Variants in CEP128 observed in about 807,000 individuals in gnomAD.
CEP128 encodes centrosomal protein 128.
A neutral mutation model predicts 156.7 loss-of-function variants in CEP128; 132 were observed. The ratio of observed to expected loss-of-function variants is 0.84; its 90% CI spans 0.73 to 0.97. The LOEUF is 0.97. Among genes scored for constraint, CEP128 ranks in the 50% least tolerant of loss-of-function variants. CEP128 has a pLI of 0.00. For synonymous variants in CEP128, 469 were observed against 448.9 expected (o/e 1.04, Z -0.57); for missense variants, 1,252 against 1,281.9 (o/e 0.98, Z 0.36).
chr14:80,549,945 T>C (rs1890144369), intron 21 of CEP128, among the ~76,000 whole-genome samples: 1 of 152,222 alleles, frequency 6.6e-6, no homozygotes, highest in African/African-American at 2.4e-5. Context: ...ACTTAGTCTG[T>C]AATTTCCATA....
chr14:80,658,392 T>C (rs1895264953), intron 19 of CEP128, among the ~76,000 whole-genome samples: 1 of 152,190 alleles, frequency 6.6e-6, no homozygotes, highest in African/African-American at 2.4e-5. Context: ...AAAAGGCAGC[T>C]GTTCATCCAC....
At chr14:80,584,082 C>A (rs1455084716) in intron 19 of CEP128, among the ~76,000 whole-genome samples, 1 of 151,884 alleles carries the variant, frequency 6.6e-6, no homozygotes, top group Non-Finnish European at 1.5e-5. Flanking sequence ...ATAAAATACA[C>A]ACTTGTCTGT....
chr14:80,869,517 C>A (rs1887926450), intron 8 of CEP128, among the ~76,000 whole-genome samples: 1 of 151,740 alleles, frequency 6.6e-6, no homozygotes, highest in South Asian at 2.1e-4. Flanking sequence ...AAATAAATAA[C>A]CTAACTATAC....
At position 80,767,083 on chromosome 14, in the gene CEP128, A is replaced by G. The variant is rs1294329328; in HGVS notation, c.2377-5470T>C. On this transcript the variant is annotated intron_variant, in intron 16 of 24. Coordinates refer to ENST00000555265, the MANE Select transcript of CEP128 (RefSeq NM_152446.5). ...CAAAAATTGGATCTGTCTGGAAACC[A>G]TTTATCTGACTCTCTAAAGAAGGCC... Among the ~76,000 whole-genome samples, 8 of 152,242 alleles carry G rather than the reference A, an allele frequency of 5.3e-5. No homozygotes were observed. In the East Asian group the frequency reaches 1.5e-3, roughly 29 times the overall value.
At chr14:80,952,683 CA>C (rs370425616) in intron 2 of CEP128, among the ~76,000 whole-genome samples, 181 of 145,836 alleles carry the variant, frequency 1.2e-3, no homozygotes, top group Non-Finnish European at 2.1e-3. Flanking sequence ...AAATAGAGCA[CA>C]AAAAAAAATA....
chr14:80,912,203 G>C (rs1305121228), intron 4 of CEP128, among the ~76,000 whole-genome samples: 4 of 149,064 alleles, frequency 2.7e-5, no homozygotes, highest in South Asian at 2.1e-4. Context: ...GTGACAGAGC[G>C]AGACTCCACC....
chr14:80,844,102 T>C (rs1047809853), intron 9 of CEP128, among the ~76,000 whole-genome samples: 1 of 151,910 alleles, frequency 6.6e-6, no homozygotes, highest in Non-Finnish European at 1.5e-5. Context: ...GCTAAAGTAA[T>C]GGAAAATTTT....
chr14:80,899,897 C>T, intron 7 of CEP128, 41 bp downstream of exon 7: 1 of 1,334,480 alleles, frequency 7.5e-7, no homozygotes, highest in Admixed American at 1.8e-5. Flanking sequence ...TTATTCTCCT[C>T]ATAATTTATC....
At chr14:80,724,398 A>C (rs1041101528) in intron 19 of CEP128, among the ~76,000 whole-genome samples, 1 of 152,130 alleles carries the variant, frequency 6.6e-6, no homozygotes, top group African/African-American at 2.4e-5. Context: ...TAATTTATCC[A>C]AATAGATACA....
chr14:80,583,652 C>T (rs2140456453), intron 19 of CEP128, among the ~76,000 whole-genome samples: 1 of 152,282 alleles, frequency 6.6e-6, no homozygotes, highest in South Asian at 2.1e-4. Context: ...ATGAGGCTGG[C>T]AAAGAAGAAA....
At chr14:80,912,501 A>G (rs1049462209) in intron 4 of CEP128, among the ~76,000 whole-genome samples, 2 of 152,180 alleles carry the variant, frequency 1.3e-5, no homozygotes, top group African/African-American at 4.8e-5. Flanking sequence ...ATTTTTCACT[A>G]ATAAATTAAA....
chr14:80,816,787 G>A (rs1884884541), intron 13 of CEP128, among the ~76,000 whole-genome samples: 1 of 152,102 alleles, frequency 6.6e-6, no homozygotes, highest in Non-Finnish European at 1.5e-5. Context: ...TGTAAGACTG[G>A]TAGCAACAAG....
intron 18 of CEP128, among the ~76,000 whole-genome samples, chr14:80,753,945 A>C (rs1899514330): frequency 6.6e-6 from 1 of 152,148 alleles, no homozygotes; most frequent in Non-Finnish European, 1.5e-5. Flanking sequence ...CAATTTTCTT[A>C]ATTCAGACTC....
intron 21 of CEP128, among the ~76,000 whole-genome samples, chr14:80,558,748 T>C (rs548055085): frequency 3.9e-4 from 59 of 152,332 alleles, no homozygotes; most frequent in African/African-American, 1.3e-3. Flanking sequence ...ATGAATATTG[T>C]ATGCATGTAG....
chr14:80,712,090 T>G (rs984544089), intron 19 of CEP128, among the ~76,000 whole-genome samples: 1 of 152,268 alleles, frequency 6.6e-6, no homozygotes, highest in South Asian at 2.1e-4. Context: ...AAATAAATTT[T>G]TAATTTGAAA....
chr14:80,593,558 A>G (rs181723598), intron 19 of CEP128, among the ~76,000 whole-genome samples: 37 of 151,084 alleles, frequency 2.4e-4, no homozygotes, highest in African/African-American at 8.7e-4. Flanking sequence ...AAAAAAAAAA[A>G]AAAAAAAGAA....
At chr14:80,492,677 T>C (rs762195463), downstream of CEP128, among the ~76,000 whole-genome samples, 9 of 152,208 alleles carry the variant, frequency 5.9e-5, no homozygotes, top group East Asian at 3.8e-4. Flanking sequence ...ATTTGAATGC[T>C]TGGTGGCTTC....
intron 23 of CEP128, among the ~76,000 whole-genome samples, chr14:80,511,078 A>G (rs1350135230): frequency 2.4e-5 from 3 of 123,310 alleles, no homozygotes; most frequent in African/African-American, 1.1e-4. Flanking sequence ...TTTTTTTTTT[A>G]TATGTCTTCT....
chr14:80,689,056 T>C (rs1226537095), intron 19 of CEP128, among the ~76,000 whole-genome samples: 1 of 151,964 alleles, frequency 6.6e-6, no homozygotes, highest in African/African-American at 2.4e-5. Context: ...GGAGATACAA[T>C]GATGGATAAG....
Sources: gnomAD v4.1 joint callset for allele counts (sites outside exome capture counted in the v4.1 genomes callset) on GRCh38, gnomAD v4.1.1 for gene constraint, MANE v1.5 for transcripts, NCBI Gene and HGNC (gene_info 2026-07-23, HGNC 2026-07-21) for gene names.